CNOT2: variants seen among roughly 807,000 people sequenced by gnomAD.
CNOT2 encodes CC chemokine receptor 4-negative regulator of transcription 2.
A neutral mutation model predicts 72.1 loss-of-function variants in CNOT2; 7 were observed. The ratio of observed to expected loss-of-function variants is 0.10; its 90% CI spans 0.06 to 0.18. The LOEUF is 0.18. CNOT2 is among the 10% of genes least tolerant of loss of function. The pLI is 1.00. For missense variants in CNOT2, 345 were observed against 660.3 expected (o/e 0.52, Z 5.23); for synonymous variants, 196 against 225.6 (o/e 0.87, Z 1.17).
intron 15 of CNOT2, among the ~76,000 whole-genome samples, chr12:70,348,550 G>A (rs1882488651): frequency 6.6e-6 from 1 of 152,096 alleles, no homozygotes; most frequent in Admixed American, 6.5e-5. Flanking sequence ...CATTCAATTT[G>A]AACATTTTTG....
chr12:70,348,946 T>A (rs946056699), intron 15 of CNOT2, among the ~76,000 whole-genome samples: 1 of 152,034 alleles, frequency 6.6e-6, no homozygotes, highest in Non-Finnish European at 1.5e-5. Context: ...AACTGTGATG[T>A]GAAAAATGTG....
intron 15 of CNOT2, among the ~76,000 whole-genome samples, chr12:70,347,059 ACAACTC>A (rs145147682): frequency 0.096 from 14,583 of 151,954 alleles, 894 homozygotes; most frequent in Middle Eastern, 0.19. Flanking sequence ...ATCTGATTTC[ACAACTC>A]CATGATTTTT....
chr12:70,269,576 A>G (rs1433381912), intron 1 of CNOT2, among the ~76,000 whole-genome samples: 1 of 152,198 alleles, frequency 6.6e-6, no homozygotes, highest in East Asian at 1.9e-4. Context: ...ATATAGTATT[A>G]ATAACTTTTA....
intron 1 of CNOT2, among the ~76,000 whole-genome samples, chr12:70,245,771 A>G (rs982804654): frequency 6.6e-6 from 1 of 152,144 alleles, no homozygotes; most frequent in Non-Finnish European, 1.5e-5. Context: ...ACAACTTCCC[A>G]TATACCTCCC....
intron 1 of CNOT2, among the ~76,000 whole-genome samples, chr12:70,264,825 T>A (rs1044024459): frequency 1.3e-5 from 2 of 152,160 alleles, no homozygotes; most frequent in African/African-American, 2.4e-5. Flanking sequence ...TCTATTGAGA[T>A]TTAGTAGATT....
At chr12:70,337,167 G>A in intron 8 of CNOT2, 1 of 361,460 alleles carries the variant, frequency 2.8e-6, no homozygotes. Context: ...ATGGATTACT[G>A]TTGATTTCCC....
chr12:70,342,451 A>G, intron 13 of CNOT2, 144 bp downstream of exon 13: 5 of 974,916 alleles, frequency 5.1e-6, no homozygotes, highest in Non-Finnish European at 7.5e-6. Context: ...AACTTGTTAA[A>G]TGGTAAATGT....
chr12:70,339,815 G>T (rs1374729350), intron 11 of CNOT2, among the ~76,000 whole-genome samples: 1 of 152,126 alleles, frequency 6.6e-6, no homozygotes, highest in African/African-American at 2.4e-5. Flanking sequence ...AAAGATGGAA[G>T]CAATTAGAAG....
intron 1 of CNOT2, among the ~76,000 whole-genome samples, chr12:70,277,783 TG>T (rs1869102608): frequency 6.6e-6 from 1 of 152,178 alleles, no homozygotes; most frequent in South Asian, 2.1e-4. Context: ...TTGAGATAAC[TG>T]GAGAAGATTC....
At chr12:70,340,998 C>T (rs116031260) in intron 11 of CNOT2, among the ~76,000 whole-genome samples, 2,019 of 149,100 alleles carry the variant, frequency 0.014, 46 homozygotes, top group African/African-American at 0.047. Context: ...CAGGTCCAAG[C>T]GATTCTCCTG....
At chr12:70,337,700 A>G in intron 9 of CNOT2, 187 bp downstream of exon 9, 1 of 660,524 alleles carries the variant, frequency 1.5e-6, no homozygotes, top group Non-Finnish European at 2.6e-6. Flanking sequence ...CCTATTTCAT[A>G]TAGGTTTGCA....
rs1280274206 is a variant in CNOT2, at chr12:70,257,469, T to C, written c.-96+13989T>C. On this transcript the variant is annotated intron_variant, in intron 1 of 15. Coordinates refer to ENST00000229195, the MANE Select transcript of CNOT2 (RefSeq NM_014515.7). Reference sequence around the variant, plus strand: ...TCCGCCTTCCGGGTTCACGCCATTCTCCTGCCTCAGCCTCCCAAGTTGCTG... The same window carrying C: ...TCCGCCTTCCGGGTTCACGCCATTCCCCTGCCTCAGCCTCCCAAGTTGCTG... 7.3e-5 allele frequency among the ~76,000 whole-genome samples: 11 copies of C among 150,380 alleles called. No homozygotes were observed. The East Asian group carries it at 2.0e-3, about 28-fold the overall frequency.
In CNOT2 at chr12:70,342,119, C is replaced by T. The variant is rs1416568412; in HGVS notation, c.1191C>T (p.Pro397=). 6.3e-7 allele frequency: 1 copy of T among 1,596,598 alleles called. No homozygotes were observed. ...CCTCCTTATTCAGAAATCTCTACCC[C>T]AAATTTGCGTCACCCTGGGCATCTT... ...LNLNSPENLY[P]KFASPWASSP... is the part of the protein sequence containing the mutation. Residue 397 remains proline, a synonymous_variant, in exon 12 of 16, where the codon CCC becomes CCT. Coordinates refer to ENST00000229195, the MANE Select transcript of CNOT2 (RefSeq NM_014515.7).
intron 2 of CNOT2, among the ~76,000 whole-genome samples, chr12:70,306,681 C>G (rs1285874257): frequency 6.6e-6 from 1 of 152,022 alleles, no homozygotes; most frequent in Non-Finnish European, 1.5e-5. Context: ...ATATATAAGC[C>G]CTTGACTTGT....
chr12:70,268,826 T>G (rs1371218579), intron 1 of CNOT2, among the ~76,000 whole-genome samples: 3 of 152,120 alleles, frequency 2.0e-5, no homozygotes, highest in African/African-American at 7.2e-5. Flanking sequence ...AAGTCCGTGT[T>G]TCAAGAAATG....
chr12:70,258,850 C>G (rs574786996), intron 1 of CNOT2, among the ~76,000 whole-genome samples: 16 of 152,142 alleles, frequency 1.1e-4, no homozygotes, highest in African/African-American at 3.4e-4. Flanking sequence ...CAACAAAGAA[C>G]AAAAAACCTG....
chr12:70,319,794 C>T (rs924167996), intron 4 of CNOT2, among the ~76,000 whole-genome samples: 3 of 151,514 alleles, frequency 2.0e-5, no homozygotes, highest in African/African-American at 7.3e-5. Context: ...GTAAAATGTT[C>T]TTTGTTTCAC....
At chr12:70,255,631 G>T (rs1958400018) in intron 1 of CNOT2, among the ~76,000 whole-genome samples, 1 of 152,102 alleles carries the variant, frequency 6.6e-6, no homozygotes, top group South Asian at 2.1e-4. Context: ...TCTAGTTGCT[G>T]ACATTAAGTA....
At chr12:70,283,153 G>GTT (rs1870171716) in intron 2 of CNOT2, among the ~76,000 whole-genome samples, 1 of 152,054 alleles carries the variant, frequency 6.6e-6, no homozygotes, top group Non-Finnish European at 1.5e-5. Context: ...TATTGAACAT[G>GTT]TTTCTCTCTC....
Sources: allele counts gnomAD v4.1 joint callset (sites outside exome capture counted in the v4.1 genomes callset), GRCh38; gene constraint gnomAD v4.1.1; transcripts MANE v1.5; gene names NCBI Gene and HGNC (gene_info 2026-07-23, HGNC 2026-07-21).